The following ATRNL1 variants were observed in gnomAD, a reference collection of about 807,000 sequenced individuals.
ATRNL1 encodes attractin-like protein 1.
Under a neutral mutation model 182.7 loss-of-function variants are expected in ATRNL1, and 95 were observed. That is an observed-to-expected ratio of 0.52 (90% CI 0.44 to 0.62). The LOEUF (loss-of-function observed/expected upper bound fraction) is 0.62. Among genes scored for constraint, ATRNL1 ranks in the 20% least tolerant of loss-of-function variants. The probability of loss-of-function intolerance (pLI) is 0.00; values close to 1 mark genes in which losing one functional copy is unlikely to be tolerated. For missense variants in ATRNL1, 1,471 were observed against 1,679.5 expected, an observed-to-expected ratio of 0.88 and a Z score of 2.17; for synonymous variants, 576 against 568.3, an observed-to-expected ratio of 1.01 and a Z score of -0.19.
intron 19 of ATRNL1, among the ~76,000 whole-genome samples, chr10:115,351,898 TTCTTC>T (rs1156392412): frequency 1.4e-4 from 22 of 152,298 alleles, no homozygotes; most frequent in African/African-American, 5.3e-4. Context: ...AATTTGTTAG[TTCTTC>T]TGTAAATGAT....
At chr10:115,815,415 A>ATGTGTGTGTATGTG (rs1555088279) in intron 27 of ATRNL1, among the ~76,000 whole-genome samples, 2 of 142,948 alleles carry the variant, frequency 1.4e-5, no homozygotes, top group Non-Finnish European at 3.0e-5. Context: ...GTGTGTGTGT[A>ATGTGTGTGTATGTG]TGTGTGTGTG....
At chr10:115,597,237 T>A (rs1856301643) in intron 26 of ATRNL1, among the ~76,000 whole-genome samples, 1 of 152,146 alleles carries the variant, frequency 6.6e-6, no homozygotes, top group South Asian at 2.1e-4. Context: ...CTCTAGTGAA[T>A]CATGTAAGTT....
intron 17 of ATRNL1, among the ~76,000 whole-genome samples, chr10:115,312,736 A>G (rs1215063884): frequency 1.3e-5 from 2 of 152,272 alleles, no homozygotes; most frequent in South Asian, 4.1e-4. Flanking sequence ...TACCTCAGGA[A>G]CACCAGTGAT....
intron 26 of ATRNL1, among the ~76,000 whole-genome samples, chr10:115,659,704 A>C (rs1026664745): frequency 6.6e-6 from 1 of 152,130 alleles, no homozygotes; most frequent in African/African-American, 2.4e-5. Context: ...ACTTACACAT[A>C]ATCATTGGAG....
At chr10:115,397,523 A>G (rs1554955934) in intron 20 of ATRNL1, among the ~76,000 whole-genome samples, 1 of 151,992 alleles carries the variant, frequency 6.6e-6, no homozygotes, top group African/African-American at 2.4e-5. Context: ...CAATACCACA[A>G]TGTAAGTGTT....
At chr10:115,887,609 G>C (rs1379906714) in intron 28 of ATRNL1, among the ~76,000 whole-genome samples, 1 of 151,988 alleles carries the variant, frequency 6.6e-6, no homozygotes, top group Non-Finnish European at 1.5e-5. Flanking sequence ...GTGAATTTAG[G>C]GGGCGGGGAG....
At chr10:115,244,787 T>A (rs1301334075) in intron 10 of ATRNL1, among the ~76,000 whole-genome samples, 2 of 152,236 alleles carry the variant, frequency 1.3e-5, no homozygotes, top group Non-Finnish European at 2.9e-5. Context: ...ACCTTCTATT[T>A]AGAATTCACA....
At chr10:115,774,356 C>T (rs1555077238) in intron 27 of ATRNL1, among the ~76,000 whole-genome samples, 2 of 137,014 alleles carry the variant, frequency 1.5e-5, no homozygotes, top group African/African-American at 5.5e-5. Context: ...ACCCAGGCCA[C>T]GGAAGTTGCG....
At position 115,538,971 on chromosome 10, in the gene ATRNL1, A is replaced by G. The variant is rs12357814; in HGVS notation, c.3717-10487A>G. On this transcript the variant is annotated intron_variant, in intron 25 of 28. Coordinates refer to ENST00000355044, the MANE Select transcript of ATRNL1 (RefSeq NM_207303.4). ...ACAGTATTCAATACAGTAACATGCT[A>G]TATAGGTTTGTACCCTAGTAACAAT... Among the ~76,000 whole-genome samples, 438 of 152,332 alleles carry G rather than the reference A, an allele frequency of 2.9e-3. 3 individuals are homozygous for G. Among genetic ancestry groups the G allele is most frequent in the Middle Eastern group, 0.01 (3 of 294 alleles).
chr10:115,394,694 C>T lies in ATRNL1; in HGVS notation c.3211C>T (p.Leu1071=), dbSNP rs1554955112. The change falls in exon 20 of 29, where the codon CTG becomes TTG. Residue 1071 remains leucine, a synonymous_variant. Coordinates refer to ENST00000355044, the MANE Select transcript of ATRNL1 (RefSeq NM_207303.4). The stretch of plus-strand genomic sequence containing the variant: ...CAGTGGCCATGCAAATATCTGTCAT[C>T]TGCACACAGGAAAATGTTTCTGCAC... The part of the protein sequence containing the change: ...TCSGHANICH[L]HTGKCFCTTK... 11 of 1,611,390 alleles carry T rather than the reference C, an allele frequency of 6.8e-6. No homozygotes were observed. Among genetic ancestry groups the T allele is most frequent in the Admixed American group, 1.7e-5 (1 of 59,720 alleles).
chr10:115,533,008 C>T (rs1414256491), intron 25 of ATRNL1, among the ~76,000 whole-genome samples: 6 of 151,816 alleles, frequency 4.0e-5, no homozygotes, highest in Non-Finnish European at 8.8e-5. Flanking sequence ...CTGCTGGATT[C>T]GGTTTGCCAG....
intron 1 of ATRNL1, among the ~76,000 whole-genome samples, chr10:115,111,449 T>C (rs1035586371): frequency 6.6e-6 from 1 of 152,198 alleles, no homozygotes; most frequent in Non-Finnish European, 1.5e-5. Context: ...GGCACCAGCA[T>C]CTGCTTGTAT....
At chr10:115,175,438 CAT>C (rs1554886509) in intron 8 of ATRNL1, among the ~76,000 whole-genome samples, 2 of 152,004 alleles carry the variant, frequency 1.3e-5, no homozygotes, top group Admixed American at 6.6e-5. Context: ...ATAATCTAAA[CAT>C]ATTTTTATAT....
At chr10:115,441,433 G>A (rs1262412186) in intron 21 of ATRNL1, among the ~76,000 whole-genome samples, 3 of 151,770 alleles carry the variant, frequency 2.0e-5, no homozygotes, top group African/African-American at 2.4e-5. Context: ...CCACAGAGTC[G>A]AACAGTTGAA....
intron 14 of ATRNL1, among the ~76,000 whole-genome samples, chr10:115,281,734 G>A (rs1448840229): frequency 1.3e-5 from 2 of 150,974 alleles, no homozygotes; most frequent in African/African-American, 4.9e-5. Flanking sequence ...CCTTTTCATC[G>A]AAAAAAATCT....
At chr10:115,720,612 T>G (rs1434603653) in intron 26 of ATRNL1, among the ~76,000 whole-genome samples, 4 of 152,168 alleles carry the variant, frequency 2.6e-5, no homozygotes, top group Admixed American at 2.0e-4. Context: ...TGATCTACAA[T>G]CAGTATGTAA....
At chr10:115,440,376 G>A (rs1554965479) in intron 21 of ATRNL1, among the ~76,000 whole-genome samples, 1 of 151,624 alleles carries the variant, frequency 6.6e-6, no homozygotes, top group Non-Finnish European at 1.5e-5. Flanking sequence ...AAATTTTATG[G>A]GTTTCCTGAC....
At chr10:115,211,004 G>T (rs1249086404) in intron 8 of ATRNL1, among the ~76,000 whole-genome samples, 2 of 146,298 alleles carry the variant, frequency 1.4e-5, no homozygotes, top group African/African-American at 5.0e-5. Flanking sequence ...AGGATAATCT[G>T]TTGTTTGTAT....
intron 28 of ATRNL1, among the ~76,000 whole-genome samples, chr10:115,850,356 T>C (rs1311605440): frequency 3.3e-5 from 5 of 151,988 alleles, no homozygotes; most frequent in African/African-American, 1.2e-4. Context: ...TAGAGAAAAA[T>C]TTTTCCAATA....
Sources: gnomAD v4.1 joint callset for allele counts (sites outside exome capture counted in the v4.1 genomes callset) on GRCh38, gnomAD v4.1.1 for gene constraint, MANE v1.5 for transcripts, NCBI Gene and HGNC (gene_info 2026-07-23, HGNC 2026-07-21) for gene names.